PPARGC1A: variants seen among roughly 807,000 people sequenced by gnomAD.
PPARGC1A encodes the protein PPARG coactivator 1 alpha.
Under a neutral mutation model 88.7 loss-of-function variants are expected in PPARGC1A, and 25 were observed. The ratio of observed to expected loss-of-function variants is 0.28; its 90% CI spans 0.21 to 0.39. The LOEUF (loss-of-function observed/expected upper bound fraction) is 0.39, where lower values mean the gene tolerates loss of function less well. Ranked by LOEUF, PPARGC1A falls within the 10% of genes least tolerant of loss-of-function variation. The probability of loss-of-function intolerance (pLI) is 1.00; values close to 1 mark genes in which losing one functional copy is unlikely to be tolerated. For synonymous variants in PPARGC1A, 363 were observed against 355.6 expected (o/e 1.02, Z -0.24); for missense variants, 880 against 968.7 (o/e 0.91, Z 1.22).
chr4:23,862,454 T>C (rs1003850534), intron 2 of PPARGC1A, among the ~76,000 whole-genome samples: 1 of 152,104 alleles, frequency 6.6e-6, no homozygotes, highest in East Asian at 1.9e-4. Context: ...GGAAGCAGTG[T>C]AAGGGAATGA....
chr4:23,991,520 A>G, the PPARGC1A span, among the ~76,000 whole-genome samples: 4 of 152,032 alleles, frequency 2.6e-5, no homozygotes, highest in Non-Finnish European at 4.4e-5. Context: ...AAAGAGCTTC[A>G]AAGAGATCAT....
In PPARGC1A at chr4:23,831,719, T is replaced by C; in HGVS notation, c.267A>G (p.Leu89=). Residue 89 remains leucine (L), a synonymous_variant, in exon 3 of 13, where the codon CTA becomes CTG. Transcript: ENST00000264867. ...KIDEENEANL[L]AVLTETLDSL... is the part of the protein sequence containing the mutation. ...TGTCTAGTGTCTCTGTGAGGACTGCTAGCAAGTTTGCCTCATTCTCTTCAT... is the reference window on the plus strand; with the variant it reads ...TGTCTAGTGTCTCTGTGAGGACTGCCAGCAAGTTTGCCTCATTCTCTTCAT... 6.2e-7 allele frequency: 1 copy of C among 1,613,826 alleles called. No homozygotes were observed. The highest frequency in any genetic ancestry group is 1.6e-4 in the Middle Eastern group (1 of 6,062).
At chr4:23,916,098 C>T in the PPARGC1A span, among the ~76,000 whole-genome samples, 64 of 152,250 alleles carry the variant, frequency 4.2e-4, no homozygotes, top group African/African-American at 1.5e-3. Flanking sequence ...CAAAGAATTA[C>T]TGTGGGAATT....
the PPARGC1A span, among the ~76,000 whole-genome samples, chr4:24,182,865 G>A: frequency 6.6e-6 from 1 of 152,098 alleles, no homozygotes; most frequent in African/African-American, 2.4e-5. Flanking sequence ...GAACCAAGTC[G>A]AACAATATTT....
At chr4:24,278,021 G>C in the PPARGC1A span, among the ~76,000 whole-genome samples, 1 of 151,878 alleles carries the variant, frequency 6.6e-6, no homozygotes, top group Non-Finnish European at 1.5e-5. Flanking sequence ...TAAAAATTTT[G>C]AAAATAAGAC....
chr4:24,296,059 T>C, the PPARGC1A span, among the ~76,000 whole-genome samples: 2 of 151,266 alleles, frequency 1.3e-5, no homozygotes, highest in South Asian at 2.1e-4. Context: ...TATGTGTATA[T>C]ATGTGTATAT....
the PPARGC1A span, among the ~76,000 whole-genome samples, chr4:24,037,307 A>G: frequency 7.9e-5 from 12 of 152,324 alleles, no homozygotes; most frequent in Non-Finnish European, 1.6e-4. Context: ...TACTATTACT[A>G]TTATTAGATT....
At chr4:23,806,562 T>G (rs1322720379) in intron 10 of PPARGC1A, among the ~76,000 whole-genome samples, 2 of 152,210 alleles carry the variant, frequency 1.3e-5, no homozygotes, top group African/African-American at 4.8e-5. Flanking sequence ...TTTTCACTAT[T>G]GAGGAGGATG....
At chr4:24,380,880 T>A in the PPARGC1A span, among the ~76,000 whole-genome samples, 2 of 151,226 alleles carry the variant, frequency 1.3e-5, no homozygotes, top group East Asian at 3.9e-4. Context: ...GAATTAAAGA[T>A]GATTATAAAT....
chr4:24,399,359 T>C, the PPARGC1A span, among the ~76,000 whole-genome samples: 1 of 152,182 alleles, frequency 6.6e-6, no homozygotes, highest in Non-Finnish European at 1.5e-5. Flanking sequence ...ACTTTTATAA[T>C]GAGAAAAAAG....
chr4:23,975,407 T>C, the PPARGC1A span, among the ~76,000 whole-genome samples: 1 of 118,876 alleles, frequency 8.4e-6, no homozygotes, highest in Admixed American at 1.0e-4. Flanking sequence ...TGATCTAAAC[T>C]ATGCTATTCA....
chr4:24,289,219 C>CAAAA, the PPARGC1A span, among the ~76,000 whole-genome samples: 53 of 82,734 alleles, frequency 6.4e-4, 1 homozygote, highest in African/African-American at 2.1e-3. Flanking sequence ...GACTCCGTCT[C>CAAAA]AAAAAAAAAA....
chr4:24,223,352 C>A, the PPARGC1A span, among the ~76,000 whole-genome samples: 2 of 150,640 alleles, frequency 1.3e-5, no homozygotes, highest in South Asian at 4.2e-4. Flanking sequence ...CACGTTCAAG[C>A]GATTCTCCTG....
the PPARGC1A span, among the ~76,000 whole-genome samples, chr4:24,022,400 A>G: frequency 3.9e-5 from 6 of 151,946 alleles, no homozygotes; most frequent in South Asian, 1.3e-3. Flanking sequence ...GCCTCCCCAC[A>G]TACATATCGG....
chr4:23,935,179 A>G, the PPARGC1A span, among the ~76,000 whole-genome samples: 1 of 152,184 alleles, frequency 6.6e-6, no homozygotes, highest in African/African-American at 2.4e-5. Context: ...CCTGGGAGGT[A>G]GGGTGAGCAG....
At chr4:23,959,814 C>T in the PPARGC1A span, among the ~76,000 whole-genome samples, 1 of 152,046 alleles carries the variant, frequency 6.6e-6, no homozygotes, top group Admixed American at 6.6e-5. Flanking sequence ...GTAATGGTGG[C>T]AGAAGATTTC....
At chr4:24,157,222 G>A in the PPARGC1A span, among the ~76,000 whole-genome samples, 3 of 152,102 alleles carry the variant, frequency 2.0e-5, no homozygotes, top group Non-Finnish European at 4.4e-5. Context: ...AAGAAAAGTC[G>A]CCCTGAACCA....
At chr4:24,197,659 C>A in the PPARGC1A span, among the ~76,000 whole-genome samples, 3 of 152,118 alleles carry the variant, frequency 2.0e-5, no homozygotes, top group African/African-American at 7.2e-5. Context: ...TAAATACACA[C>A]CATAAATGTC....
chr4:24,331,767 T>TTATATATATA, the PPARGC1A span, among the ~76,000 whole-genome samples: 55 of 143,614 alleles, frequency 3.8e-4, no homozygotes, highest in Non-Finnish European at 5.4e-4. Context: ...TGTGTTTATT[T>TTATATATATA]TATATATATA....
Sources: allele counts gnomAD v4.1 joint callset (sites outside exome capture counted in the v4.1 genomes callset), GRCh38; gene constraint gnomAD v4.1.1; transcripts MANE v1.5; gene names NCBI Gene and HGNC (gene_info 2026-07-23, HGNC 2026-07-21).